TMEM100: variants seen among roughly 807,000 people sequenced by gnomAD.
TMEM100 encodes transmembrane protein 100.
For missense variants in TMEM100, 137 were observed against 168.2 expected (o/e 0.81, Z 1.02); for synonymous variants, 61 against 67.1 (o/e 0.91, Z 0.44).
chr17:55,720,541 A>AACCC lies in TMEM100; in HGVS notation c.*124_*125insGGGT. On this transcript the variant is annotated 3_prime_UTR_variant, in exon 2 of 2. Coordinates refer to ENST00000424486, the MANE Select transcript of TMEM100 (RefSeq NM_018286.3). ...AAAGGAGAAGCCCCTCCACCCTCCC[A>AACCC]CCCCCATTCTTCCAGTCTGCTCCAA... The AACCC allele has an allele frequency of 1.7e-6, 1 of 603,380 alleles. No individual in the cohort carries two copies. The highest frequency in any genetic ancestry group is 2.7e-6 in the Non-Finnish European group (1 of 365,718). The allele number at this position is 603,380 out of a possible 1,614,324, so 37.4% of individuals were successfully genotyped here. A position where few individuals can be genotyped will look rare whatever the true frequency, so the allele number is the denominator to read the frequency against.
At chr17:55,726,547 G>A (rs141654046), upstream of TMEM100, among the ~76,000 whole-genome samples, 2 of 152,242 alleles carry the variant, frequency 1.3e-5, no homozygotes, top group African/African-American at 4.8e-5. Flanking sequence ...TTGATTACTC[G>A]CCTGTCTTTA....
chr17:55,722,555 A>AC (rs1908928552), intron 1 of TMEM100, 64 bp downstream of exon 1: 1 of 152,090 alleles, frequency 6.6e-6, no homozygotes, highest in Admixed American at 6.5e-5. Context: ...AAATAACTTC[A>AC]CCCCAAAGCT....
Position 55,721,153 on chromosome 17 carries a change from G to C in TMEM100, c.-65-18C>G, listed in dbSNP as rs1481048360. The stretch of plus-strand genomic sequence containing the variant: ...GGTGAAAGCTGTGAAGATAACAGGA[G>C]ATGTCAGCTACATGTATCAGAATGT... On this transcript the variant is annotated intron_variant, in intron 1 of 1. Coordinates refer to ENST00000424486, the MANE Select transcript of TMEM100 (RefSeq NM_018286.3). 1.4e-6 allele frequency: 2 copies of C among 1,475,470 alleles called. No homozygotes were observed. Among genetic ancestry groups the C allele is most frequent in the African/African-American group, 2.8e-5 (2 of 70,766 alleles). The allele number at this position is 1,475,470 out of a possible 1,614,324, so 91.4% of individuals were successfully genotyped here.
At chr17:55,726,243 G>A (rs1048755824), upstream of TMEM100, among the ~76,000 whole-genome samples, 5 of 152,140 alleles carry the variant, frequency 3.3e-5, no homozygotes, top group African/African-American at 1.2e-4. Flanking sequence ...GTTCCAGAGA[G>A]AATGCCCCAA....
chr17:55,730,695 T>C (rs908346252), intron 1 of TMEM100, among the ~76,000 whole-genome samples: 1 of 152,228 alleles, frequency 6.6e-6, no homozygotes, highest in African/African-American at 2.4e-5. Flanking sequence ...TTTATCCTCT[T>C]AAAAAGTCTT....
exon 1 of TMEM100, chr17:55,731,690 T>C (rs1458902126): frequency 6.6e-6 from 1 of 152,326 alleles, no homozygotes; most frequent in South Asian, 2.1e-4. Context: ...TGGATAGTCA[T>C]CTATTTCCAT....
In TMEM100 at chr17:55,720,625, A is replaced by G. The variant is rs753784060; in HGVS notation, c.*41T>C. On this transcript the variant is annotated 3_prime_UTR_variant, in exon 2 of 2. Transcript: ENST00000424486. The stretch of plus-strand genomic sequence containing the variant: ...GTGAATTGGGTGACAAAGTCAGAGC[A>G]CGTTTTCCAGGCCCAATGGCCCATT... 1 of 1,546,110 alleles carries G rather than the reference A, an allele frequency of 6.5e-7. No homozygotes were observed. The highest frequency in any genetic ancestry group is 1.3e-5 in the South Asian group (1 of 78,608).
At chr17:55,726,247 G>GC (rs1431707451), upstream of TMEM100, among the ~76,000 whole-genome samples, 5 of 152,136 alleles carry the variant, frequency 3.3e-5, no homozygotes, top group African/African-American at 1.2e-4. Context: ...CAGAGAGAAT[G>GC]CCCCAAATTG....
upstream of TMEM100, among the ~76,000 whole-genome samples, chr17:55,725,643 C>T (rs958948925): frequency 1.3e-5 from 2 of 151,306 alleles, no homozygotes; most frequent in South Asian, 2.1e-4. Flanking sequence ...AAGAGGAAAT[C>T]CCTTAAATGC....
chr17:55,720,608 G>A lies in TMEM100; in HGVS notation c.*58C>T, dbSNP rs1205323529. 1.3e-6 allele frequency: 2 copies of A among 1,538,502 alleles called. No homozygotes were observed. Among genetic ancestry groups the A allele is most frequent in the East Asian group, 4.5e-5 (2 of 44,400 alleles). On this transcript the variant is annotated 3_prime_UTR_variant, in exon 2 of 2. Transcript: ENST00000424486. ...TCCCACCATGGTTCTGGGTGAATTG[G>A]GTGACAAAGTCAGAGCACGTTTTCC...
upstream of TMEM100, among the ~76,000 whole-genome samples, chr17:55,725,861 C>T (rs147724584): frequency 1.1e-4 from 16 of 152,020 alleles, no homozygotes; most frequent in Non-Finnish European, 2.2e-4. Context: ...TTTTCCTATC[C>T]AAAGCCCCCA....
upstream of TMEM100, among the ~76,000 whole-genome samples, chr17:55,724,594 G>C (rs895032007): frequency 6.2e-4 from 95 of 152,308 alleles, no homozygotes; most frequent in African/African-American, 2.2e-3. Context: ...CCTTAACAGA[G>C]CTGTCTTCTC....
At position 55,720,382 on chromosome 17, in the gene TMEM100, C is replaced by T; in HGVS notation, c.*284G>A. The T allele has an allele frequency of 2.7e-6, 1 of 376,480 alleles. No homozygotes were observed. Among genetic ancestry groups the T allele is most frequent in the Non-Finnish European group, 4.7e-6 (1 of 210,910 alleles). The allele number at this position is 376,480 out of a possible 1,614,324, so 23.3% of individuals were successfully genotyped here. The stretch of plus-strand genomic sequence containing the variant: ...TTTCTTGGCTACTTTACAGGGTGAA[C>T]CAAATACTGTCTAATGCTGTGCACT... On this transcript the variant is annotated 3_prime_UTR_variant, in exon 2 of 2. Transcript: ENST00000424486.
At chr17:55,730,413 A>C (rs945189838) in intron 1 of TMEM100, among the ~76,000 whole-genome samples, 1 of 152,222 alleles carries the variant, frequency 6.6e-6, no homozygotes, top group African/African-American at 2.4e-5. Flanking sequence ...GTAATTATTC[A>C]ATTACATTTG....
chr17:55,730,102 C>T (rs772930613), intron 1 of TMEM100, among the ~76,000 whole-genome samples: 5 of 152,138 alleles, frequency 3.3e-5, no homozygotes, highest in Non-Finnish European at 5.9e-5. Context: ...TGTTTTGGGC[C>T]TCATGCAATG....
upstream of TMEM100, among the ~76,000 whole-genome samples, chr17:55,725,736 T>A (rs1004976086): frequency 1.5e-5 from 2 of 136,236 alleles, no homozygotes; most frequent in African/African-American, 7.2e-5. Context: ...TGTGTGTGTG[T>A]GTGTGTGTGT....
upstream of TMEM100, among the ~76,000 whole-genome samples, chr17:55,724,461 T>C (rs1909009654): frequency 6.6e-6 from 1 of 152,190 alleles, no homozygotes; most frequent in Admixed American, 6.5e-5. Context: ...AGGAGTACCG[T>C]CACTTGGTGT....
Position 55,722,264 on chromosome 17 carries a change from C to T in TMEM100, c.-66+355G>A, listed in dbSNP as rs368509173. Among the ~76,000 whole-genome samples, 41 of 152,228 alleles carry T rather than the reference C, an allele frequency of 2.7e-4. 2 individuals carry two copies. The highest frequency in any genetic ancestry group is 7.8e-4 in the Admixed American group (12 of 15,292). On this transcript the variant is annotated intron_variant, in intron 1 of 1. Transcript: ENST00000424486. ...TACACAGTTGAGCAGTTGTAGTTACCGAACAAGTTTAAAGAAAGATACTTG... is the reference window on the plus strand; with the variant it reads ...TACACAGTTGAGCAGTTGTAGTTACTGAACAAGTTTAAAGAAAGATACTTG...
At chr17:55,723,115 T>TC (rs1908959372), upstream of TMEM100, 1 of 152,478 alleles carries the variant, frequency 6.6e-6, no homozygotes, top group South Asian at 2.1e-4. Context: ...ACTCATTTTT[T>TC]CCCCCGCCGA....
Sources: gnomAD v4.1 joint callset for allele counts (sites outside exome capture counted in the v4.1 genomes callset) on GRCh38, gnomAD v4.1.1 for gene constraint, MANE v1.5 for transcripts, NCBI Gene and HGNC (gene_info 2026-07-23, HGNC 2026-07-21) for gene names.